Variants in PTPRJ observed in about 807,000 individuals in gnomAD.
PTPRJ encodes the protein receptor-type tyrosine-protein phosphatase eta.
A neutral mutation model predicts 141.3 loss-of-function variants in PTPRJ; 129 were observed. The observed-to-expected ratio is 0.91, with a 90% confidence interval of 0.79 to 1.06. The LOEUF is 1.06. Ranked by LOEUF, PTPRJ falls within the 50% of genes least tolerant of loss-of-function variation. PTPRJ has a pLI of 0.00. For missense variants in PTPRJ, 1,601 were observed against 1,679.7 expected, an observed-to-expected ratio of 0.95 and a Z score of 0.82; for synonymous variants, 610 against 640.5, an observed-to-expected ratio of 0.95 and a Z score of 0.72.
chr11:48,130,341 CAG>C, intron 7 of PTPRJ, 116 bp from the exon 8 acceptor site: 8 of 1,049,696 alleles, frequency 7.6e-6, no homozygotes, highest in Non-Finnish European at 9.6e-6. Context: ...ACAAAGAAGA[CAG>C]AGAGAGGGAT....
At chr11:48,060,689 CT>C (rs1176270431) in intron 1 of PTPRJ, among the ~76,000 whole-genome samples, 3 of 152,338 alleles carry the variant, frequency 2.0e-5, no homozygotes, top group Admixed American at 6.5e-5. Flanking sequence ...ATTAGGGGAT[CT>C]GCTTCCTTTG....
intron 1 of PTPRJ, among the ~76,000 whole-genome samples, chr11:48,090,711 C>T (rs1855847749): frequency 6.6e-6 from 1 of 152,170 alleles, no homozygotes; most frequent in African/African-American, 2.4e-5. Context: ...CGCTTAAATT[C>T]GAGAGGCCAG....
Position 48,132,607 on chromosome 11 carries a change from G to T in PTPRJ, c.1615+1891G>T, listed in dbSNP as rs927709699. The T allele has an allele frequency of 4.5e-5, 42 of 939,804 alleles. No homozygotes were observed. The African/African-American group carries it at 6.4e-4, about 14-fold the overall frequency. The allele number at this position is 939,804 out of a possible 1,614,324, so 58.2% of individuals were successfully genotyped here. A position where few individuals can be genotyped will look rare whatever the true frequency, so the allele number is the denominator to read the frequency against. On this transcript the variant is annotated intron_variant, in intron 8 of 24. Coordinates refer to ENST00000418331, the MANE Select transcript of PTPRJ (RefSeq NM_002843.4). ...TACCTAATGTAAATGATGAGTTAAT[G>T]GGTGCAGCACACCAACATGGCACAT...
intron 1 of PTPRJ, among the ~76,000 whole-genome samples, chr11:48,012,972 G>T (rs776091241): frequency 1.3e-5 from 2 of 152,050 alleles, no homozygotes; most frequent in African/African-American, 4.8e-5. Flanking sequence ...GGGTGTGGTG[G>T]TGTGTGCCTG....
At chr11:48,123,892 C>T in intron 5 of PTPRJ, 22 bp downstream of exon 5, 1 of 1,606,654 alleles carries the variant, frequency 6.2e-7, no homozygotes, top group Non-Finnish European at 8.5e-7. Context: ...AGGGTACCTT[C>T]CGTCTCCCTT....
At chr11:47,985,462 T>C (rs1246274981) in intron 1 of PTPRJ, among the ~76,000 whole-genome samples, 1 of 152,030 alleles carries the variant, frequency 6.6e-6, no homozygotes, top group Non-Finnish European at 1.5e-5. Flanking sequence ...TTATTTTATC[T>C]GAGAGAAAAC....
intron 7 of PTPRJ, among the ~76,000 whole-genome samples, 160 bp downstream of exon 7, chr11:48,128,203 C>T (rs905475): frequency 0.67 from 101,774 of 152,118 alleles, 35,697 homozygotes; most frequent in East Asian, 0.81. Context: ...ATGCTCACAA[C>T]AGCCCTGTGA....
chr11:48,154,762 A>G (rs1857561102), intron 19 of PTPRJ, among the ~76,000 whole-genome samples: 1 of 152,142 alleles, frequency 6.6e-6, no homozygotes, highest in Admixed American at 6.5e-5. Flanking sequence ...GTACTTGACA[A>G]GGAGTATTGG....
chr11:48,127,667 AAGGAACACTCCCCCAGG>A, intron 6 of PTPRJ, 96 bp from the exon 7 acceptor site: 1 of 1,115,680 alleles, frequency 9.0e-7, no homozygotes, highest in South Asian at 1.4e-5. Flanking sequence ...GCAGAGGAGG[AAGGAACACTCCCCCAGG>A]AGAGTTTGCT....
intron 2 of PTPRJ, among the ~76,000 whole-genome samples, chr11:48,111,702 G>A (rs958844947): frequency 2.6e-5 from 4 of 152,084 alleles, no homozygotes; most frequent in African/African-American, 9.7e-5. Context: ...GAAATCATGA[G>A]CTATTTTAAC....
chr11:48,139,369 C>G lies in PTPRJ; in HGVS notation c.2153-117C>G, dbSNP rs1590549308. On this transcript the variant is annotated intron_variant, in intron 10 of 24. Transcript: ENST00000418331. ...TGCCCAATTTAGGGTCAGCCCCTGCCTCTTCCACCACATCACCCACCCACC... is the reference window on the plus strand; with the variant it reads ...TGCCCAATTTAGGGTCAGCCCCTGCGTCTTCCACCACATCACCCACCCACC... 8.9e-6 allele frequency: 10 copies of G among 1,126,580 alleles called. No individual in the cohort carries two copies. In the Middle Eastern group the frequency reaches 1.0e-3, roughly 116 times the overall value. The allele number at this position is 1,126,580 out of a possible 1,614,324, so 69.8% of individuals were successfully genotyped here.
chr11:48,057,069 C>T (rs770582886), intron 1 of PTPRJ, among the ~76,000 whole-genome samples: 6 of 152,182 alleles, frequency 3.9e-5, no homozygotes, highest in South Asian at 4.1e-4. Context: ...CTGGGTGGCA[C>T]GCTTGCATGC....
At chr11:48,011,592 A>G (rs1284818496) in intron 1 of PTPRJ, among the ~76,000 whole-genome samples, 1 of 152,024 alleles carries the variant, frequency 6.6e-6, no homozygotes, top group African/African-American at 2.4e-5. Flanking sequence ...TTTGAAGGAG[A>G]ATGCTGCCTC....
At chr11:48,032,903 T>C (rs1001806378) in intron 1 of PTPRJ, among the ~76,000 whole-genome samples, 2 of 151,858 alleles carry the variant, frequency 1.3e-5, no homozygotes, top group Non-Finnish European at 2.9e-5. Context: ...TTACGTTTGG[T>C]GGAAGAGAGA....
chr11:48,022,724 A>G (rs1853686708), intron 1 of PTPRJ, among the ~76,000 whole-genome samples: 1 of 152,184 alleles, frequency 6.6e-6, no homozygotes, highest in African/African-American at 2.4e-5. Context: ...CTGGACCTCC[A>G]TCCTTGCTTC....
At chr11:48,019,794 CA>C (rs1855061462) in intron 1 of PTPRJ, among the ~76,000 whole-genome samples, 2 of 152,164 alleles carry the variant, frequency 1.3e-5, no homozygotes, top group African/African-American at 4.8e-5. Flanking sequence ...GTGTTGTGTA[CA>C]CAGCGATAGG....
At chr11:48,057,662 A>G (rs1008244913) in intron 1 of PTPRJ, among the ~76,000 whole-genome samples, 3 of 151,984 alleles carry the variant, frequency 2.0e-5, no homozygotes, top group African/African-American at 7.3e-5. Flanking sequence ...CCTGGGGGAG[A>G]ACTGTGTGGA....
rs1331842492 is a variant in PTPRJ at position 48,158,605 on chromosome 11, C to T, written c.3439-1325C>T. 6.6e-6 allele frequency among the ~76,000 whole-genome samples: 1 copy of T among 152,148 alleles called. No homozygotes were observed. The highest frequency in any genetic ancestry group is 2.4e-5 in the African/African-American group (1 of 41,428). On this transcript the variant is annotated intron_variant, in intron 21 of 24. Transcript: ENST00000418331. This position sits in a 1 kb window ranked among gnomAD's most constrained non-coding sequence, Gnocchi z 4.4. Reference sequence around the variant, plus strand: ...TGGAACCTGGGTCTTTAAAGAAATACAGATCCCGCAGCCAGAGTCAGAATC... The same window carrying T: ...TGGAACCTGGGTCTTTAAAGAAATATAGATCCCGCAGCCAGAGTCAGAATC...
In PTPRJ at chr11:48,112,955, G is replaced by A. The variant is rs1405865319; in HGVS notation, c.324G>A (p.Gly108=). 1.2e-6 allele frequency: 2 copies of A among 1,613,938 alleles called. No individual in the cohort carries two copies. The highest frequency in any genetic ancestry group is 1.1e-5 in the South Asian group (1 of 91,076). ...AACAAGGATCTAATGGGACTGATGG[G>A]GCATCTCAAAAAACTCCCAGTAGCA... ...TPEQGSNGTD[G]ASQKTPSSTG... Residue 108 remains glycine, a synonymous_variant, in exon 3 of 25, where the codon GGG becomes GGA. Transcript: ENST00000418331.
Sources: allele counts gnomAD v4.1 joint callset (sites outside exome capture counted in the v4.1 genomes callset), GRCh38; gene constraint gnomAD v4.1.1; non-coding constraint Gnocchi (gnomAD v3.1); transcripts MANE v1.5; gene names NCBI Gene and HGNC (gene_info 2026-07-23, HGNC 2026-07-21).